The following LIN9 variants were observed in gnomAD, a reference collection of about 807,000 sequenced individuals.
LIN9 encodes the protein lin-9 DREAM MuvB core complex component, also known as protein lin-9 homolog.
A neutral mutation model predicts 78.0 loss-of-function variants in LIN9; 18 were observed. That is an observed-to-expected ratio of 0.23 (90% CI 0.16 to 0.34). LIN9 has a LOEUF of 0.34. Among genes scored for constraint, LIN9 ranks in the 10% least tolerant of loss-of-function variants. The pLI is 1.00. For missense variants in LIN9, 451 were observed against 644.1 expected, an observed-to-expected ratio of 0.70 and a Z score of 3.25; for synonymous variants, 192 against 215.2, an observed-to-expected ratio of 0.89 and a Z score of 0.94.
chr1:226,267,833 C>G (rs1660030208), intron 8 of LIN9, 124 bp downstream of exon 8: 7 of 1,043,450 alleles, frequency 6.7e-6, no homozygotes, highest in Non-Finnish European at 9.5e-6. Context: ...GCTGGGGTCC[C>G]CTAAGGATCT....
intron 7 of LIN9, among the ~76,000 whole-genome samples, chr1:226,276,875 C>T (rs1660698513): frequency 6.6e-6 from 1 of 151,922 alleles, no homozygotes; most frequent in Admixed American, 6.6e-5. Flanking sequence ...AAATTTACAC[C>T]CCTATAAAAT....
intron 14 of LIN9, 115 bp from the exon 15 acceptor site, chr1:226,232,721 A>C (rs1657417857): frequency 1.7e-6 from 1 of 596,642 alleles, no homozygotes; most frequent in Admixed American, 3.1e-5. Flanking sequence ...TTAGGGAAGG[A>C]ATAAATCTCC....
At chr1:226,235,099 G>A (rs997118399) in intron 12 of LIN9, among the ~76,000 whole-genome samples, 1 of 151,724 alleles carries the variant, frequency 6.6e-6, no homozygotes, top group African/African-American at 2.4e-5. Context: ...TTGGGAGGCC[G>A]AGGTGGGTGG....
At chr1:226,295,586 T>C (rs1448496937) in intron 4 of LIN9, among the ~76,000 whole-genome samples, 6 of 152,152 alleles carry the variant, frequency 3.9e-5, no homozygotes, top group African/African-American at 7.2e-5. Context: ...TACAAATTGA[T>C]GCCATGTTGC....
At chr1:226,305,315 G>GAAAAAAAAAAAAAAAAAAAAAAAAAA (rs111859953) in intron 1 of LIN9, among the ~76,000 whole-genome samples, 2 of 77,496 alleles carry the variant, frequency 2.6e-5, no homozygotes, top group African/African-American at 4.9e-5. Flanking sequence ...ACAAAAAAAA[G>GAAAAAAAAAAAAAAAAAAAAAAAAAA]AAAAAAAAAA....
At chr1:226,253,130 G>C (rs571816228) in intron 10 of LIN9, among the ~76,000 whole-genome samples, 2 of 151,912 alleles carry the variant, frequency 1.3e-5, no homozygotes, top group African/African-American at 4.8e-5. Flanking sequence ...AAGTGTGGTG[G>C]CGCCCACCTG....
In LIN9 at chr1:226,233,140, G is replaced by C. The variant is rs145608178; in HGVS notation, c.1479C>G (p.Asp493Glu). Residue 493 changes from aspartate (D) to glutamate (E), a missense_variant, in exon 14 of 15, where the codon GAC becomes GAG. Coordinates refer to ENST00000681046, the MANE Select transcript of LIN9 (RefSeq NM_001366245.2). ...TTGTACTCTTGATATCATTTAATGA[G>C]TCTGTAAGTGATTTGAATTCAAAGG... Reference protein sequence around the residue: ...LNSFEFKSLTDSLNDIKSTID... With the variant: ...LNSFEFKSLTESLNDIKSTID... The C allele has an allele frequency of 1.2e-6, 2 of 1,608,758 alleles. No homozygotes were observed. The highest frequency in any genetic ancestry group is 2.7e-5 in the African/African-American group (2 of 74,636).
intron 7 of LIN9, 125 bp from the exon 8 acceptor site, chr1:226,268,215 C>A: frequency 1.2e-6 from 1 of 814,222 alleles, no homozygotes; most frequent in South Asian, 5.5e-5. Context: ...TCAAAACAAG[C>A]ACACACTTTA....
intron 6 of LIN9, among the ~76,000 whole-genome samples, chr1:226,279,123 T>G (rs896459334): frequency 6.6e-6 from 1 of 151,762 alleles, no homozygotes. Flanking sequence ...ATCGTGCCAC[T>G]GCGCTCCAGC....
intron 10 of LIN9, among the ~76,000 whole-genome samples, chr1:226,259,795 T>C (rs1012712103): frequency 2.0e-5 from 3 of 151,998 alleles, no homozygotes; most frequent in African/African-American, 7.2e-5. Context: ...GGGAAACTTG[T>C]AGTATCGAAT....
chr1:226,309,096 A>G lies in LIN9; in HGVS notation c.31+13T>C, dbSNP rs777753612. The G allele has an allele frequency of 3.8e-6, 5 of 1,312,678 alleles. No homozygotes were observed. The highest frequency in any genetic ancestry group is 4.9e-6 in the Non-Finnish European group (5 of 1,021,338). 81.3% of individuals were successfully genotyped at this position (1,312,678 alleles called of 1,614,324 possible). On this transcript the variant is annotated intron_variant, in intron 1 of 14. Coordinates refer to ENST00000681046, the MANE Select transcript of LIN9 (RefSeq NM_001366245.2). ...GGCGGGAAAAGGGGGGGGTGCTTTG[A>G]GGTGCTACTCACTCTCGTCAGGCAA...
chr1:226,304,987 C>T (rs1249011251), intron 1 of LIN9, among the ~76,000 whole-genome samples: 1 of 151,748 alleles, frequency 6.6e-6, no homozygotes, highest in Non-Finnish European at 1.5e-5. Flanking sequence ...GGCAGGAGTT[C>T]GAGACCAGCC....
chr1:226,235,366 GC>G (rs1210062073), intron 12 of LIN9, among the ~76,000 whole-genome samples: 12 of 143,188 alleles, frequency 8.4e-5, no homozygotes, highest in African/African-American at 3.1e-4. Flanking sequence ...TGCTATGCAT[GC>G]CACCAAGAGA....
At chr1:226,246,667 C>T (rs575071187) in intron 11 of LIN9, among the ~76,000 whole-genome samples, 1 of 151,184 alleles carries the variant, frequency 6.6e-6, no homozygotes, top group East Asian at 1.9e-4. Context: ...GTGGCAGGCG[C>T]CTGTAGTCCC....
At chr1:226,309,087 G>C (rs1366559336) in intron 1 of LIN9, 22 bp downstream of exon 1, 3 of 1,310,724 alleles carry the variant, frequency 2.3e-6, no homozygotes, top group Admixed American at 3.0e-5. Flanking sequence ...AAAAGGGGGG[G>C]GTGCTTTGAG....
intron 3 of LIN9, among the ~76,000 whole-genome samples, chr1:226,297,385 C>A (rs1489474735): frequency 6.6e-6 from 1 of 152,056 alleles, no homozygotes; most frequent in Admixed American, 6.6e-5. Flanking sequence ...TTTGTCTATA[C>A]AAGATTTTAA....
At chr1:226,263,716 A>G (rs768728737) in intron 10 of LIN9, among the ~76,000 whole-genome samples, 59 of 152,196 alleles carry the variant, frequency 3.9e-4, no homozygotes, top group Non-Finnish European at 1.3e-4. Context: ...CTTTCATATA[A>G]AATATCCATC....
At chr1:226,270,357 C>T (rs1451109686) in intron 7 of LIN9, among the ~76,000 whole-genome samples, 1 of 151,984 alleles carries the variant, frequency 6.6e-6, no homozygotes, top group Non-Finnish European at 1.5e-5. Flanking sequence ...AAAGCAAATC[C>T]AACAACTCTC....
At chr1:226,268,575 C>T (rs995537543) in intron 7 of LIN9, among the ~76,000 whole-genome samples, 13 of 152,102 alleles carry the variant, frequency 8.5e-5, no homozygotes, top group African/African-American at 3.1e-4. Flanking sequence ...CCCACTGTTC[C>T]CTAATTAATA....
Sources: allele counts gnomAD v4.1 joint callset (sites outside exome capture counted in the v4.1 genomes callset), GRCh38; gene constraint gnomAD v4.1.1; transcripts MANE v1.5; gene names NCBI Gene and HGNC (gene_info 2026-07-23, HGNC 2026-07-21).